Variants in LPP observed in about 807,000 individuals in gnomAD.
LPP encodes the protein lipoma-preferred partner.
LPP carries 38 observed loss-of-function variants against 60.4 expected under a neutral mutation model. The ratio of observed to expected loss-of-function variants is 0.63; its 90% confidence interval spans 0.49 to 0.83. The LOEUF (loss-of-function observed/expected upper bound fraction) is 0.83, where lower values mean the gene tolerates loss of function less well. LPP is among the 40% of genes least tolerant of loss of function. The probability of loss-of-function intolerance (pLI) is 0.00; values close to 1 mark genes in which losing one functional copy is unlikely to be tolerated. For missense variants in LPP, 902 were observed against 783.6 expected, an observed-to-expected ratio of 1.15 and a Z score of -1.80; for synonymous variants, 328 against 290.8, an observed-to-expected ratio of 1.13 and a Z score of -1.30.
chr3:188,584,546 C>T (rs7647204), intron 6 of LPP: 48,480 of 147,392 alleles, frequency 0.33, 8,297 homozygotes, highest in African/African-American at 0.37. Flanking sequence ...TAATTTTAGT[C>T]GTGTGTGTGT....
rs556306151 is a variant in LPP at position 188,533,745 on chromosome 3, T to G, written c.429+8958T>G. ...CTTAGAGGATCTGTGTTGTTTTGAA[T>G]TAGCCTGTACCCGCCAGAAAACTTC... On this transcript the variant is annotated intron_variant, in intron 6 of 11. Transcript: ENST00000617246. Among the ~76,000 whole-genome samples, 3 of 152,286 alleles carry G rather than the reference T, an allele frequency of 2.0e-5. No homozygotes were observed. In the South Asian group the frequency reaches 6.2e-4, roughly 32 times the overall value.
At chr3:188,677,814 A>G (rs1183389206) in intron 7 of LPP, among the ~76,000 whole-genome samples, 2 of 152,020 alleles carry the variant, frequency 1.3e-5, no homozygotes, top group African/African-American at 4.8e-5. Flanking sequence ...TAAATGATGG[A>G]TGTGTTTAAG....
chr3:188,854,440 C>T (rs1389195698), intron 9 of LPP, among the ~76,000 whole-genome samples: 1 of 151,122 alleles, frequency 6.6e-6, no homozygotes, highest in Non-Finnish European at 1.5e-5. Flanking sequence ...CAGCAGTGCC[C>T]TCTTCGGAAG....
chr3:188,181,980 T>C (rs1184099310), intron 1 of LPP, among the ~76,000 whole-genome samples: 1 of 152,248 alleles, frequency 6.6e-6, no homozygotes, highest in Non-Finnish European at 1.5e-5. Context: ...CCAGATATAA[T>C]TACTGGCTTT....
rs796637829 is a variant in LPP, at chr3:188,800,438, G to T, written c.1410+40156G>T. Among the ~76,000 whole-genome samples the T allele has an allele frequency of 8.6e-4, 130 of 151,650 alleles. 1 individual carries two copies. The highest frequency in any genetic ancestry group is 3.1e-3 in the African/African-American group (127 of 41,364). On this transcript the variant is annotated intron_variant, in intron 9 of 11. Transcript: ENST00000617246. ...TTTTTTGTATTTTTAGTAGAGGTGG[G>T]GTTTCATCGTGTTAGCCAGGATGGT...
At chr3:188,190,474 C>T (rs1038720914) in intron 1 of LPP, among the ~76,000 whole-genome samples, 2 of 152,134 alleles carry the variant, frequency 1.3e-5, no homozygotes, top group Non-Finnish European at 2.9e-5. Flanking sequence ...GACTCCATGT[C>T]GCCTCTTCCT....
intron 8 of LPP, among the ~76,000 whole-genome samples, chr3:188,727,958 C>T (rs1719033338): frequency 1.3e-5 from 2 of 152,162 alleles, no homozygotes; most frequent in South Asian, 4.1e-4. Flanking sequence ...ACACTGCTAT[C>T]CTTTCTGTGT....
chr3:188,319,742 A>G (rs1289232867), intron 2 of LPP, among the ~76,000 whole-genome samples: 1 of 152,236 alleles, frequency 6.6e-6, no homozygotes, highest in Non-Finnish European at 1.5e-5. Flanking sequence ...TTATATAACC[A>G]AAGTATGTTT....
chr3:188,721,741 G>A (rs181113346), intron 8 of LPP, among the ~76,000 whole-genome samples: 27 of 152,026 alleles, frequency 1.8e-4, no homozygotes, highest in African/African-American at 5.1e-4. Context: ...TTTTGCATGC[G>A]GAGTCATCAT....
intron 4 of LPP, among the ~76,000 whole-genome samples, chr3:188,413,946 T>C (rs1785504472): frequency 6.6e-6 from 1 of 152,126 alleles, no homozygotes; most frequent in African/African-American, 2.4e-5. Context: ...TGTGAAAATG[T>C]TTTTAAACCA....
chr3:188,739,842 G>GC (rs779204368), intron 8 of LPP, among the ~76,000 whole-genome samples: 2 of 151,968 alleles, frequency 1.3e-5, no homozygotes, highest in Non-Finnish European at 2.9e-5. Context: ...CCTTATGCAT[G>GC]CTTGATAATG....
chr3:188,207,981 T>A (rs1733761658), intron 1 of LPP, among the ~76,000 whole-genome samples: 2 of 152,184 alleles, frequency 1.3e-5, no homozygotes, highest in Admixed American at 6.5e-5. Flanking sequence ...TGCTGTAACA[T>A]CCCTGGGGAT....
chr3:188,232,239 A>G lies in LPP; in HGVS notation c.-67+6712A>G, dbSNP rs1353051092. On this transcript the variant is annotated intron_variant, in intron 2 of 11. Coordinates refer to ENST00000617246, the MANE Select transcript of LPP (RefSeq NM_001375462.1). The stretch of plus-strand genomic sequence containing the variant: ...GCTTATTAGTGACTTTACAGCCAAA[A>G]TGAGGAACGCACAGCTTTGGTCACT... 4.6e-5 allele frequency among the ~76,000 whole-genome samples: 7 copies of G among 152,210 alleles called. No individual in the cohort carries two copies. The South Asian group carries it at 1.4e-3, about 32-fold the overall frequency.
intron 2 of LPP, among the ~76,000 whole-genome samples, chr3:188,257,981 G>C (rs1305359778): frequency 6.6e-6 from 1 of 152,220 alleles, no homozygotes; most frequent in East Asian, 1.9e-4. Flanking sequence ...ACTTTCACCT[G>C]TACTATTACA....
intron 1 of LPP, among the ~76,000 whole-genome samples, chr3:188,184,456 G>A (rs917796160): frequency 3.3e-5 from 5 of 152,180 alleles, no homozygotes; most frequent in Non-Finnish European, 5.9e-5. Context: ...GAGCTTACAC[G>A]AAGGATGCAT....
chr3:188,659,354 A>T (rs558238536), intron 7 of LPP, among the ~76,000 whole-genome samples: 2 of 152,140 alleles, frequency 1.3e-5, no homozygotes, highest in Non-Finnish European at 2.9e-5. Flanking sequence ...TTTTATCAGA[A>T]CCTCAGTTTG....
At chr3:188,229,918 C>A (rs1349381838) in intron 2 of LPP, among the ~76,000 whole-genome samples, 1 of 152,028 alleles carries the variant, frequency 6.6e-6, no homozygotes, top group African/African-American at 2.4e-5. Context: ...AATATTTACA[C>A]CTGGTTCATA....
chr3:188,185,994 A>C (rs780796573), intron 1 of LPP, among the ~76,000 whole-genome samples: 7 of 152,214 alleles, frequency 4.6e-5, no homozygotes, highest in Non-Finnish European at 8.8e-5. Flanking sequence ...GAGAGAAGAA[A>C]AGCTGGTGTA....
At chr3:188,568,216 A>C (rs1313775738) in intron 6 of LPP, 2 of 152,012 alleles carry the variant, frequency 1.3e-5, no homozygotes, top group Admixed American at 6.6e-5. Context: ...ATTTCAGTAA[A>C]CATTATTGAG....
Sources: allele counts gnomAD v4.1 joint callset (sites outside exome capture counted in the v4.1 genomes callset), GRCh38; gene constraint gnomAD v4.1.1; transcripts MANE v1.5; gene names NCBI Gene and HGNC (gene_info 2026-07-23, HGNC 2026-07-21).